Variants in VIPR2 observed in about 807,000 individuals in gnomAD.
VIPR2 encodes the protein vasoactive intestinal peptide receptor 2.
VIPR2 carries 48 observed loss-of-function variants against 58.0 expected under a neutral mutation model. The ratio of observed to expected loss-of-function variants is 0.83; its 90% CI spans 0.66 to 1.05. The LOEUF (loss-of-function observed/expected upper bound fraction) is 1.05. VIPR2 is among the 50% of genes least tolerant of loss of function. The pLI, the probability that VIPR2 is intolerant of heterozygous loss-of-function variation, is 0.00. For missense variants in VIPR2, 534 were observed against 558.0 expected, an observed-to-expected ratio of 0.96 and a Z score of 0.43; for synonymous variants, 243 against 235.2, an observed-to-expected ratio of 1.03 and a Z score of -0.30.
chr7:159,054,095 A>G (rs1855158947), intron 5 of VIPR2, among the ~76,000 whole-genome samples: 1 of 152,210 alleles, frequency 6.6e-6, no homozygotes, highest in African/African-American at 2.4e-5. Flanking sequence ...TGCTCTGTGA[A>G]GAGAAGCATT....
intron 4 of VIPR2, among the ~76,000 whole-genome samples, chr7:159,068,488 C>T (rs73730129): frequency 7.2e-5 from 11 of 152,246 alleles, no homozygotes; most frequent in Admixed American, 3.3e-4. Context: ...GGTTCCCACA[C>T]GGCCAGCCTT....
chr7:159,138,221 G>A (rs1797309385), intron 2 of VIPR2, among the ~76,000 whole-genome samples: 2 of 152,226 alleles, frequency 1.3e-5, no homozygotes, highest in South Asian at 2.1e-4. Context: ...CCCACATGAC[G>A]CTGTGAGCAA....
chr7:159,074,470 C>A (rs541617308), intron 4 of VIPR2, among the ~76,000 whole-genome samples: 2 of 152,266 alleles, frequency 1.3e-5, no homozygotes, highest in Admixed American at 6.5e-5. Context: ...AGGGTTAGAG[C>A]CCCTTGTCCC....
At chr7:159,136,848 G>A (rs997486706) in intron 2 of VIPR2, among the ~76,000 whole-genome samples, 6 of 152,262 alleles carry the variant, frequency 3.9e-5, no homozygotes, top group Non-Finnish European at 8.8e-5. Context: ...ATGTGGAGAA[G>A]CAGCCGCCAC....
At chr7:159,072,074 G>A (rs575786876) in intron 4 of VIPR2, among the ~76,000 whole-genome samples, 82 of 142,112 alleles carry the variant, frequency 5.8e-4, no homozygotes, top group African/African-American at 2.2e-3. Flanking sequence ...TCTCTAGGCC[G>A]GGAACCCTGC....
intron 2 of VIPR2, among the ~76,000 whole-genome samples, chr7:159,131,703 C>T (rs1311124167): frequency 1.3e-5 from 2 of 152,202 alleles, no homozygotes; most frequent in African/African-American, 4.8e-5. Flanking sequence ...CTCTTGAAAC[C>T]TTCATTGAAA....
chr7:159,033,881 T>TA (rs747906478), intron 10 of VIPR2, among the ~76,000 whole-genome samples: 8 of 152,134 alleles, frequency 5.3e-5, no homozygotes, highest in Non-Finnish European at 1.0e-4. Context: ...GGCCTTGAAA[T>TA]AAAAGAAATG....
chr7:159,060,681 C>T (rs993238895), intron 4 of VIPR2, among the ~76,000 whole-genome samples: 4 of 151,830 alleles, frequency 2.6e-5, no homozygotes, highest in African/African-American at 9.7e-5. Context: ...CTCACCTAAC[C>T]ACTAACCTCA....
intron 4 of VIPR2, among the ~76,000 whole-genome samples, chr7:159,085,288 G>A (rs180709767): frequency 5.9e-5 from 9 of 152,242 alleles, no homozygotes; most frequent in African/African-American, 1.9e-4. Flanking sequence ...CGGATGAGGC[G>A]GGTGGAGGGT....
chr7:159,067,696 C>T (rs1856167106), intron 4 of VIPR2, among the ~76,000 whole-genome samples: 1 of 152,228 alleles, frequency 6.6e-6, no homozygotes, highest in Non-Finnish European at 1.5e-5. Flanking sequence ...CTAACAGCTG[C>T]AATTCCAGGG....
intron 4 of VIPR2, among the ~76,000 whole-genome samples, chr7:159,073,179 T>C (rs528912423): frequency 6.6e-6 from 1 of 152,308 alleles, no homozygotes; most frequent in African/African-American, 2.4e-5. Flanking sequence ...GCAGACAATA[T>C]ACTGAAATAA....
chr7:159,036,807 C>G lies in VIPR2; in HGVS notation c.693G>C (p.Leu231=), dbSNP rs768649678. The change falls in exon 7 of 13, where the codon CTG becomes CTC. Residue 231 remains leucine, a synonymous_variant. Coordinates refer to ENST00000262178, the MANE Select transcript of VIPR2 (RefSeq NM_003382.5). ...LVEGLYLHTL[L]VAMLPPRRCF... is the part of the protein sequence containing the mutation. ...ACCTTCTAGGGGGGAGCATGGCCAC[C>G]AGGAGGGTGTGGAGGTAGAGCCCCT... is the stretch of plus-strand genomic sequence containing the variant. The G allele has an allele frequency of 6.2e-6, 10 of 1,613,940 alleles. 1 individual carries two copies. The South Asian group carries it at 1.1e-4, about 18-fold the overall frequency.
At position 159,135,004 on chromosome 7, in the gene VIPR2, G is replaced by GTTT. The variant is rs747914292; in HGVS notation, c.151+7439_151+7441dup. Among the ~76,000 whole-genome samples, 174 of 65,934 alleles carry GTTT rather than the reference G, an allele frequency of 2.6e-3. 8 individuals carry two copies. Among genetic ancestry groups the GTTT allele is most frequent in the African/African-American group, 0.01 (154 of 15,360 alleles). The allele number at this position is 65,934 out of a possible 152,430, so 43.3% of individuals were successfully genotyped here. On this transcript the variant is annotated intron_variant, in intron 2 of 12. Coordinates refer to ENST00000262178, the MANE Select transcript of VIPR2 (RefSeq NM_003382.5). ...TATTGGTCTTCTCTTAATTACAAAA[G>GTTT]TTTTTTTTTTTTTTTTTTTTTTTTT...
rs1251308969 is a variant in VIPR2 at position 159,127,322 on chromosome 7, G to A, written c.151+15124C>T. Reference sequence around the variant, plus strand: ...AAACAGCGGTTTGATTCTGGGTTGGGGTTCAGGTGGATTCCACAGGCGGGG... The same window carrying A: ...AAACAGCGGTTTGATTCTGGGTTGGAGTTCAGGTGGATTCCACAGGCGGGG... On this transcript the variant is annotated intron_variant, in intron 2 of 12. Transcript: ENST00000262178. This position sits in a 1 kb window ranked among gnomAD's most constrained non-coding sequence, Gnocchi z 4.6. Among the ~76,000 whole-genome samples the A allele has an allele frequency of 6.6e-6, 1 of 152,144 alleles. No individual in the cohort carries two copies. The highest frequency in any genetic ancestry group is 1.5e-5 in the Non-Finnish European group (1 of 68,014).
At chr7:159,036,708 T>A in intron 7 of VIPR2, 44 bp downstream of exon 7, 4 of 1,580,162 alleles carry the variant, frequency 2.5e-6, no homozygotes, top group Non-Finnish European at 3.5e-6. Context: ...TTTGGTCCGA[T>A]GGGATGGGAT....
chr7:159,101,551 G>A (rs1382288697), intron 4 of VIPR2, among the ~76,000 whole-genome samples: 8 of 96,436 alleles, frequency 8.3e-5, no homozygotes, highest in African/African-American at 2.2e-4. Context: ...CGGTTCCCCT[G>A]ACTGTTCCTG....
In VIPR2 at chr7:159,120,113, C is replaced by A. The variant is rs10479640; in HGVS notation, c.152-10194G>T. Among the ~76,000 whole-genome samples, 548 of 152,344 alleles carry A rather than the reference C, an allele frequency of 3.6e-3. 5 individuals carry two copies. Among genetic ancestry groups the A allele is most frequent in the African/African-American group, 0.012 (508 of 41,574 alleles). ...AGGGGCACCTCCTGAGCTTTCTGCA[C>A]CTGCTGAGGGTCCTCGCGGCCCACA... is the stretch of plus-strand genomic sequence containing the variant. On this transcript the variant is annotated intron_variant, in intron 2 of 12. Transcript: ENST00000262178.
intron 2 of VIPR2, among the ~76,000 whole-genome samples, chr7:159,139,981 T>C (rs1159579849): frequency 6.6e-6 from 1 of 152,246 alleles, no homozygotes; most frequent in Admixed American, 6.5e-5. Context: ...CGATGTTAAG[T>C]CATACAGCTC....
At chr7:159,052,444 C>T (rs1367622403) in intron 5 of VIPR2, among the ~76,000 whole-genome samples, 1 of 152,184 alleles carries the variant, frequency 6.6e-6, no homozygotes, top group Non-Finnish European at 1.5e-5. Context: ...AAACTCTCTG[C>T]CCTGTTGGCT....
Sources: gnomAD v4.1 joint callset for allele counts (sites outside exome capture counted in the v4.1 genomes callset) on GRCh38, gnomAD v4.1.1 for gene constraint, Gnocchi (gnomAD v3.1) non-coding constraint, MANE v1.5 for transcripts, NCBI Gene and HGNC (gene_info 2026-07-23, HGNC 2026-07-21) for gene names.